The following PHF20 variants were observed in gnomAD, a reference collection of about 807,000 sequenced individuals.
PHF20 encodes PHD finger protein 20.
Under a neutral mutation model 113.5 loss-of-function variants are expected in PHF20, and 23 were observed. The ratio of observed to expected loss-of-function variants is 0.20; its 90% confidence interval spans 0.15 to 0.29. PHF20 has a LOEUF of 0.29. Among genes scored for constraint, PHF20 ranks in the 10% least tolerant of loss-of-function variants. The pLI is 1.00. For missense variants in PHF20, 943 were observed against 1,219.6 expected (o/e 0.77, Z 3.38); for synonymous variants, 434 against 457.3 (o/e 0.95, Z 0.65).
intron 15 of PHF20, among the ~76,000 whole-genome samples, chr20:35,936,704 C>G (rs2055872418): frequency 6.6e-6 from 1 of 152,136 alleles, no homozygotes; most frequent in South Asian, 2.1e-4. Flanking sequence ...CCTGGGTAAT[C>G]ATTGCATTTT....
At chr20:35,841,513 T>C (rs1249442000) in intron 2 of PHF20, among the ~76,000 whole-genome samples, 4 of 152,174 alleles carry the variant, frequency 2.6e-5, no homozygotes, top group Non-Finnish European at 4.4e-5. Context: ...GGCTCATGCC[T>C]GTAATGCTAG....
intron 2 of PHF20, among the ~76,000 whole-genome samples, chr20:35,825,255 C>G (rs1468564294): frequency 6.6e-6 from 1 of 152,152 alleles, no homozygotes; most frequent in Non-Finnish European, 1.5e-5. Context: ...CTCCTGGGCT[C>G]AAGTGATTGT....
At chr20:35,837,271 A>T (rs926261635) in intron 2 of PHF20, among the ~76,000 whole-genome samples, 5 of 152,332 alleles carry the variant, frequency 3.3e-5, no homozygotes, top group African/African-American at 7.2e-5. Flanking sequence ...CTAAATTTTT[A>T]AAAAAATTCA....
intron 1 of PHF20, among the ~76,000 whole-genome samples, chr20:35,779,896 C>G (rs2041251982): frequency 6.6e-6 from 1 of 152,154 alleles, no homozygotes; most frequent in South Asian, 2.1e-4. Flanking sequence ...GAAATGTGGG[C>G]ATTTTACAAT....
At chr20:35,869,053 T>A (rs2054370166) in intron 6 of PHF20, among the ~76,000 whole-genome samples, 1 of 151,844 alleles carries the variant, frequency 6.6e-6, no homozygotes, top group Non-Finnish European at 1.5e-5. Context: ...ATCGCGGCAC[T>A]GCACTCCAGC....
chr20:35,843,611 C>G (rs2042570892), intron 3 of PHF20, among the ~76,000 whole-genome samples: 1 of 151,342 alleles, frequency 6.6e-6, no homozygotes, highest in Non-Finnish European at 1.5e-5. Context: ...GAGACAGGGT[C>G]TTGCTCTGTT....
chr20:35,875,196 G>A (rs1300184135), intron 9 of PHF20, among the ~76,000 whole-genome samples: 11 of 151,928 alleles, frequency 7.2e-5, no homozygotes, highest in African/African-American at 2.4e-4. Flanking sequence ...TCAGGAATTC[G>A]AGACCAGCCT....
intron 14 of PHF20, among the ~76,000 whole-genome samples, chr20:35,930,565 C>T (rs1325725642): frequency 3.3e-5 from 5 of 152,010 alleles, no homozygotes; most frequent in South Asian, 2.1e-4. Context: ...CCCAGATACT[C>T]GGGAGGCTGA....
At chr20:35,901,195 G>A (rs865993352) in intron 10 of PHF20, among the ~76,000 whole-genome samples, 1 of 151,848 alleles carries the variant, frequency 6.6e-6, no homozygotes, top group African/African-American at 2.4e-5. Context: ...GAGGTGGATC[G>A]CCTGAGGTCA....
At chr20:35,947,355 ATGGAGGCTGAAATGGCCCTTCCTCCC>A in intron 17 of PHF20, 104 bp from the exon 18 acceptor site, 1 of 841,192 alleles carries the variant, frequency 1.2e-6, no homozygotes, top group Non-Finnish European at 1.8e-6. Context: ...CCCTTGCCCC[ATGGAGGCTGAAATGGCCCTTCCTCCC>A]TTGCCCCATG....
At chr20:35,868,124 T>C (rs1299099073) in intron 6 of PHF20, among the ~76,000 whole-genome samples, 3 of 151,816 alleles carry the variant, frequency 2.0e-5, no homozygotes, top group Non-Finnish European at 4.4e-5. Context: ...AGAAACCCTG[T>C]CTCTACTAAA....
At chr20:35,881,144 G>A (rs374573559) in intron 9 of PHF20, among the ~76,000 whole-genome samples, 6 of 135,570 alleles carry the variant, frequency 4.4e-5, no homozygotes, top group South Asian at 5.0e-4. Context: ...TGCAACCTTC[G>A]CCTCCTGGGT....
At chr20:35,881,515 T>A (rs1233068876) in intron 9 of PHF20, among the ~76,000 whole-genome samples, 1 of 141,366 alleles carries the variant, frequency 7.1e-6, no homozygotes, top group Admixed American at 7.5e-5. Context: ...CACTCCAGCC[T>A]GGGCGACAGA....
intron 5 of PHF20, among the ~76,000 whole-genome samples, chr20:35,860,487 C>G (rs1032939052): frequency 1.3e-5 from 2 of 152,140 alleles, no homozygotes; most frequent in African/African-American, 4.8e-5. Context: ...GGTGATCTGC[C>G]TACCTTGGCC....
chr20:35,863,056 GTCTT>G lies in PHF20; in HGVS notation c.467_470del (p.Leu156HisfsTer18). ...AGGCCTAAAGAAACAGATCACAAAA[GTCTT>G]TCATCATCTCCTGATAAACGAGAGA... On this transcript the variant is annotated frameshift_variant, in exon 6 of 18. Coordinates refer to ENST00000374012, the MANE Select transcript of PHF20 (RefSeq NM_016436.5). LOFTEE classifies it high-confidence loss of function. 6.2e-7 allele frequency: 1 copy of G among 1,600,230 alleles called. No homozygotes were observed. Among genetic ancestry groups the G allele is most frequent in the Non-Finnish European group, 8.5e-7 (1 of 1,176,690 alleles).
chr20:35,812,915 G>A (rs2042002039), intron 2 of PHF20, among the ~76,000 whole-genome samples: 1 of 152,108 alleles, frequency 6.6e-6, no homozygotes, highest in South Asian at 2.1e-4. Flanking sequence ...TAATATTCTA[G>A]TTTTGTCATT....
At chr20:35,945,590 T>C (rs1377103265) in intron 17 of PHF20, among the ~76,000 whole-genome samples, 1 of 152,064 alleles carries the variant, frequency 6.6e-6, no homozygotes, top group East Asian at 1.9e-4. Context: ...GGCCTTTCTT[T>C]TGCTGCACTC....
At chr20:35,879,106 T>C (rs150888214) in intron 9 of PHF20, among the ~76,000 whole-genome samples, 99 of 152,226 alleles carry the variant, frequency 6.5e-4, no homozygotes, top group Middle Eastern at 6.3e-3. Context: ...TTGGATGTTA[T>C]AGAAGAGTCC....
chr20:35,806,250 TC>T (rs1231312612), intron 2 of PHF20, among the ~76,000 whole-genome samples: 2 of 150,544 alleles, frequency 1.3e-5, no homozygotes, highest in Admixed American at 1.3e-4. Context: ...AGCCTTGACT[TC>T]CAGGCTCAGG....
Sources: gnomAD v4.1 joint callset for allele counts (sites outside exome capture counted in the v4.1 genomes callset) on GRCh38, gnomAD v4.1.1 for gene constraint, MANE v1.5 for transcripts, NCBI Gene and HGNC (gene_info 2026-07-23, HGNC 2026-07-21) for gene names.